CPA6: variants seen among roughly 807,000 people sequenced by gnomAD.
The protein encoded by CPA6 is carboxypeptidase B.
A neutral mutation model predicts 63.3 loss-of-function variants in CPA6; 58 were observed. The observed-to-expected ratio is 0.92, with a 90% confidence interval of 0.74 to 1.14. The LOEUF (loss-of-function observed/expected upper bound fraction) is 1.14. Among genes scored for constraint, CPA6 ranks in the 50% most tolerant of loss-of-function variants. CPA6 has a pLI of 0.00. For synonymous variants in CPA6, 185 were observed against 179.0 expected (o/e 1.03, Z -0.27); for missense variants, 565 against 526.6 (o/e 1.07, Z -0.71).
chr8:67,726,574 A>G (rs1259299756), intron 1 of CPA6, among the ~76,000 whole-genome samples: 2 of 152,226 alleles, frequency 1.3e-5, no homozygotes, highest in Admixed American at 6.5e-5. Context: ...TGAAAGTGTA[A>G]TGAATTCTCC....
chr8:67,517,605 C>T (rs1011933116), intron 3 of CPA6, among the ~76,000 whole-genome samples: 2 of 152,202 alleles, frequency 1.3e-5, no homozygotes, highest in Non-Finnish European at 2.9e-5. Context: ...CTGCAGAAAG[C>T]CTTTTCCACT....
chr8:67,471,177 G>A (rs947573431), intron 8 of CPA6, among the ~76,000 whole-genome samples: 1 of 152,020 alleles, frequency 6.6e-6, no homozygotes, highest in African/African-American at 2.4e-5. Flanking sequence ...CCCAATGCGG[G>A]CCTTTACATG....
At chr8:67,554,056 C>T (rs1448302947) in intron 2 of CPA6, among the ~76,000 whole-genome samples, 1 of 152,106 alleles carries the variant, frequency 6.6e-6, no homozygotes, top group African/African-American at 2.4e-5. Flanking sequence ...AGTAAAGGTT[C>T]TCCAGAGAGA....
intron 9 of CPA6, among the ~76,000 whole-genome samples, chr8:67,433,160 G>T (rs932552301): frequency 6.6e-6 from 1 of 152,158 alleles, no homozygotes; most frequent in Non-Finnish European, 1.5e-5. Flanking sequence ...CTCAACAAAC[G>T]ATCACAAATT....
At chr8:67,695,013 C>G (rs570262391) in intron 1 of CPA6, among the ~76,000 whole-genome samples, 1 of 152,060 alleles carries the variant, frequency 6.6e-6, no homozygotes, top group African/African-American at 2.4e-5. Context: ...GGATAGACCT[C>G]TCTGAATGGG....
intron 1 of CPA6, among the ~76,000 whole-genome samples, chr8:67,640,434 G>A (rs376179537): frequency 5.3e-5 from 8 of 151,406 alleles, no homozygotes; most frequent in East Asian, 1.9e-4. Context: ...GCACACATCT[G>A]TCTGGGTTTC....
At chr8:67,471,807 T>A (rs1235284708) in intron 8 of CPA6, among the ~76,000 whole-genome samples, 3 of 152,118 alleles carry the variant, frequency 2.0e-5, no homozygotes, top group Non-Finnish European at 4.4e-5. Flanking sequence ...AACAAGAATA[T>A]AAATTGAAAG....
At chr8:67,585,715 C>T (rs1421771204) in intron 2 of CPA6, among the ~76,000 whole-genome samples, 2 of 151,996 alleles carry the variant, frequency 1.3e-5, no homozygotes, top group East Asian at 1.9e-4. Context: ...TGATATGATA[C>T]GTAAGTGTCC....
chr8:67,449,810 C>CT (rs35803454), intron 8 of CPA6, among the ~76,000 whole-genome samples: 44,277 of 124,202 alleles, frequency 0.36, 8,573 homozygotes, highest in African/African-American at 0.39. Context: ...CAAGCCATCT[C>CT]TTTTTTTTTT....
chr8:67,717,738 G>A (rs1269473507), intron 1 of CPA6, among the ~76,000 whole-genome samples: 1 of 152,192 alleles, frequency 6.6e-6, no homozygotes, highest in East Asian at 1.9e-4. Flanking sequence ...ATTTTGAAAT[G>A]GGAGATGACC....
intron 2 of CPA6, among the ~76,000 whole-genome samples, chr8:67,578,098 T>C (rs1456188809): frequency 6.6e-6 from 1 of 152,176 alleles, no homozygotes; most frequent in African/African-American, 2.4e-5. Flanking sequence ...TATAAAAAAT[T>C]TTTTAGTTTG....
At position 67,459,344 on chromosome 8, in the gene CPA6, A is replaced by G. The variant is rs190592848; in HGVS notation, c.838+24424T>C. Among the ~76,000 whole-genome samples the G allele has an allele frequency of 4.2e-4, 64 of 152,260 alleles. 1 individual carries two copies. In the East Asian group the frequency reaches 0.011, roughly 27 times the overall value. ...CAGCCAACAGCTTTCTTTATAATTG[A>G]CAAAATTTGGAAGCAACCAAGATGT... On this transcript the variant is annotated intron_variant, in intron 8 of 10. Coordinates refer to ENST00000297770, the MANE Select transcript of CPA6 (RefSeq NM_020361.5).
chr8:67,494,792 C>A (rs557618548), intron 6 of CPA6, among the ~76,000 whole-genome samples: 12 of 152,316 alleles, frequency 7.9e-5, no homozygotes, highest in African/African-American at 2.9e-4. Flanking sequence ...TTGCTTGTCT[C>A]TTCTTATCAG....
chr8:67,436,301 C>T (rs1810152789), intron 8 of CPA6, among the ~76,000 whole-genome samples: 1 of 151,840 alleles, frequency 6.6e-6, no homozygotes, highest in African/African-American at 2.4e-5. Context: ...TAGGGGTTTC[C>T]AGCTTCCCCA....
chr8:67,711,868 A>G (rs146896522), intron 1 of CPA6, among the ~76,000 whole-genome samples: 52 of 152,262 alleles, frequency 3.4e-4, no homozygotes, highest in East Asian at 3.3e-3. Flanking sequence ...TTCTACACCA[A>G]TCAATACCCT....
chr8:67,528,764 G>A (rs1319563687), intron 2 of CPA6, among the ~76,000 whole-genome samples: 1 of 151,780 alleles, frequency 6.6e-6, no homozygotes, highest in Non-Finnish European at 1.5e-5. Context: ...TTGATCCACT[G>A]TCCAATAAAA....
intron 2 of CPA6, among the ~76,000 whole-genome samples, chr8:67,590,051 C>A (rs888072819): frequency 9.2e-5 from 14 of 151,762 alleles, no homozygotes; most frequent in Admixed American, 2.6e-4. Context: ...CCCCCCACCC[C>A]ACAACAGTCC....
chr8:67,575,600 T>C (rs540765930), intron 2 of CPA6, among the ~76,000 whole-genome samples: 2 of 152,334 alleles, frequency 1.3e-5, no homozygotes, highest in Non-Finnish European at 2.9e-5. Context: ...CTCATGCCTG[T>C]AATCCCAGCA....
intron 2 of CPA6, among the ~76,000 whole-genome samples, chr8:67,548,056 C>T (rs575748671): frequency 2.8e-4 from 43 of 152,036 alleles, no homozygotes; most frequent in African/African-American, 1.0e-3. Context: ...GGGAACTTCA[C>T]TTTTCTTTTC....
Sources: allele counts gnomAD v4.1 joint callset (sites outside exome capture counted in the v4.1 genomes callset), GRCh38; gene constraint gnomAD v4.1.1; transcripts MANE v1.5; gene names NCBI Gene and HGNC (gene_info 2026-07-23, HGNC 2026-07-21).